The following ANLN variants were observed in gnomAD, a reference collection of about 807,000 sequenced individuals.
ANLN encodes the protein anillin.
In ANLN, 59 loss-of-function variants were observed where a neutral mutation model predicts 135.1. The ratio of observed to expected loss-of-function variants is 0.44; its 90% confidence interval spans 0.35 to 0.54. ANLN has a LOEUF of 0.54. ANLN is among the 20% of genes least tolerant of loss of function. The pLI is 0.00. For missense variants in ANLN, 1,182 were observed against 1,340.0 expected (o/e 0.88, Z 1.84); for synonymous variants, 406 against 456.4 (o/e 0.89, Z 1.41).
Position 36,406,282 on chromosome 7 carries a change from G to A in ANLN, c.589G>A (p.Gly197Ser). Reference sequence around the variant, plus strand: ...TTCAAATGCCTCGGCAACTCCAGTTGGCAGAAGGGGCCGTCTGGCCAATCT... The same window carrying A: ...TTCAAATGCCTCGGCAACTCCAGTTAGCAGAAGGGGCCGTCTGGCCAATCT... ...LLSNASATPVGRRGRLANLAA... is the reference protein window; with the variant it reads ...LLSNASATPVSRRGRLANLAA... The change falls in exon 4 of 24, where the codon GGC (glycine) becomes AGC (serine). Residue 197 changes from glycine (G) to serine (S), a missense_variant. Gly to Ser is a moderately conservative substitution (Grantham distance 56). Around this residue, in one of 3 missense-constraint regions of ANLN, gnomAD observed 1,022 missense variants for 1,134.0 expected, o/e 0.90. Transcript: ENST00000265748. 2 of 1,614,182 alleles carry A rather than the reference G, an allele frequency of 1.2e-6. No individual in the cohort carries two copies. Among genetic ancestry groups the A allele is most frequent in the Non-Finnish European group, 1.7e-6 (2 of 1,180,002 alleles).
At position 36,452,697 on chromosome 7, in the gene ANLN, T is replaced by G. The variant is rs1364280339; in HGVS notation, c.*97T>G. ...TACTGATTGCATTTTATGCTTTAAGTACGAAAGGGTTTGTGCCAATATTCA... is the reference window on the plus strand; with the variant it reads ...TACTGATTGCATTTTATGCTTTAAGGACGAAAGGGTTTGTGCCAATATTCA... On this transcript the variant is annotated 3_prime_UTR_variant, in exon 24 of 24. Transcript: ENST00000265748. The G allele has an allele frequency of 2.8e-5, 40 of 1,446,172 alleles. No individual in the cohort carries two copies. The highest frequency in any genetic ancestry group is 5.6e-5 in the African/African-American group (4 of 70,872). The allele number at this position is 1,446,172 out of a possible 1,614,324, so 89.6% of individuals were successfully genotyped here.
chr7:36,406,016 A>G (rs939672846), intron 3 of ANLN, among the ~76,000 whole-genome samples, 165 bp from the exon 4 acceptor site: 1 of 152,244 alleles, frequency 6.6e-6, no homozygotes, highest in Non-Finnish European at 1.5e-5. Context: ...TTAAAAAGAT[A>G]TTGTCAAATT....
chr7:36,417,124 A>G lies in ANLN; in HGVS notation c.1567A>G (p.Thr523Ala), dbSNP rs936512648. Residue 523 changes from threonine (T) to alanine (A), a missense_variant, in exon 9 of 24, where the codon ACA becomes GCA. Coordinates refer to ENST00000265748, the MANE Select transcript of ANLN (RefSeq NM_018685.5). The part of the protein sequence containing the change: ...EMTKSSPLKI[T>A]LFLEEDKSLK... ...GACGAAATCTAGCCCTTTGAAAATA[A>G]CATTGTTTTTAGAAGAGGACAAATC... 1.2e-6 allele frequency: 2 copies of G among 1,609,862 alleles called. No individual in the cohort carries two copies. Among genetic ancestry groups the G allele is most frequent in the African/African-American group, 1.3e-5 (1 of 74,770 alleles).
intron 8 of ANLN, 113 bp downstream of exon 8, chr7:36,415,997 G>A: frequency 2.1e-6 from 2 of 945,602 alleles, no homozygotes; most frequent in Non-Finnish European, 3.1e-6. Context: ...GTTTTTTGGG[G>A]GGAATCTTTA....
intron 22 of ANLN, 140 bp from the exon 23 acceptor site, chr7:36,449,525 T>A: frequency 1.6e-6 from 1 of 630,084 alleles, no homozygotes; most frequent in South Asian, 2.7e-5. Context: ...AATATGTTTC[T>A]CTAAGCCCAG....
At chr7:36,431,597 G>GTATA (rs1281791693) in intron 20 of ANLN, among the ~76,000 whole-genome samples, 17 of 27,438 alleles carry the variant, frequency 6.2e-4, no homozygotes, top group Non-Finnish European at 9.1e-4. Context: ...GTGTGTGTGT[G>GTATA]TATATATATA....
In ANLN at chr7:36,389,967, T is replaced by A; in HGVS notation, c.-60T>A. The A allele has an allele frequency of 6.2e-7, 1 of 1,614,060 alleles. No individual in the cohort carries two copies. Among genetic ancestry groups the A allele is most frequent in the East Asian group, 2.2e-5 (1 of 44,872 alleles). On this transcript the variant is annotated 5_prime_UTR_variant, in exon 1 of 24. Coordinates refer to ENST00000265748, the MANE Select transcript of ANLN (RefSeq NM_018685.5). ...GGAGACACACTGAGCTGAGACTCACTTTTCTCTTCCTGAATTTGAACCACC... is the reference window on the plus strand; with the variant it reads ...GGAGACACACTGAGCTGAGACTCACATTTCTCTTCCTGAATTTGAACCACC...
At chr7:36,431,561 T>TTGTGTGTGTGTGTGTGTG (rs1186662720) in intron 20 of ANLN, among the ~76,000 whole-genome samples, 1 of 76,040 alleles carries the variant, frequency 1.3e-5, no homozygotes, top group Non-Finnish European at 2.5e-5. Flanking sequence ...ATGTGTGTGT[T>TTGTGTGTGTGTGTGTGTG]TGTGTGTGTG....
rs35765596 is a variant in ANLN, at chr7:36,396,387, C to G, written c.140C>G (p.Ala47Gly). 71 of 1,596,190 alleles carry G rather than the reference C, an allele frequency of 4.4e-5. No individual in the cohort carries two copies. The African/African-American group carries it at 9.0e-4, about 20-fold the overall frequency. ...CGAGCTAGACAGCCACTTTCAGAAGCAAGTAACCAGCAGCCCCTCTCTGGT... is the reference window on the plus strand; with the variant it reads ...CGAGCTAGACAGCCACTTTCAGAAGGAAGTAACCAGCAGCCCCTCTCTGGT... The part of the protein sequence containing the change: ...AKRARQPLSE[A>G]SNQQPLSGGE... Residue 47 changes from alanine to glycine, a missense_variant, in exon 2 of 24, where the codon GCA becomes GGA. Ala to Gly is a moderately conservative substitution (Grantham distance 60, BLOSUM62 0). Transcript: ENST00000265748.
At chr7:36,393,628 A>G (rs2116490165) in intron 1 of ANLN, among the ~76,000 whole-genome samples, 1 of 152,292 alleles carries the variant, frequency 6.6e-6, no homozygotes, top group Middle Eastern at 3.4e-3. Context: ...CCTATATGTC[A>G]AAAGGTGAGG....
chr7:36,424,841 T>C (rs1788016547), intron 17 of ANLN, 99 bp downstream of exon 17: 4 of 1,257,138 alleles, frequency 3.2e-6, no homozygotes, highest in African/African-American at 3.0e-5. Flanking sequence ...GATTAGGAAG[T>C]TTTTGGATCA....
At position 36,432,277 on chromosome 7, in the gene ANLN, C is replaced by G. The variant is rs78337531; in HGVS notation, c.2883+5249C>G. On this transcript the variant is annotated intron_variant, in intron 20 of 23. Coordinates refer to ENST00000265748, the MANE Select transcript of ANLN (RefSeq NM_018685.5). ...ACTTGTTCAGGCAGATATCCTTTTT[C>G]TTCACTGATTTTCTTAATGGTGTCT... Among the ~76,000 whole-genome samples the G allele has an allele frequency of 3.5e-3, 532 of 152,250 alleles. 5 individuals carry two copies. Among genetic ancestry groups the G allele is most frequent in the African/African-American group, 0.012 (515 of 41,544 alleles).
intron 20 of ANLN, among the ~76,000 whole-genome samples, chr7:36,438,611 A>T (rs1788642815): frequency 6.6e-6 from 1 of 152,082 alleles, no homozygotes; most frequent in African/African-American, 2.4e-5. Context: ...GGTTCGAGTG[A>T]TCCTCACTCC....
At chr7:36,446,251 T>C (rs78241966) in intron 22 of ANLN, among the ~76,000 whole-genome samples, 12,786 of 152,290 alleles carry the variant, frequency 0.084, 680 homozygotes, top group East Asian at 0.14. Context: ...ATTTCTTTTA[T>C]ACCTCTTTCT....
chr7:36,449,900 C>T (rs1789175043), intron 23 of ANLN, 63 bp downstream of exon 23: 2 of 1,492,726 alleles, frequency 1.3e-6, no homozygotes, highest in Non-Finnish European at 1.8e-6. Context: ...ATGTACTTAC[C>T]ACTATGAGAA....
At chr7:36,434,798 G>A (rs1030003810) in intron 20 of ANLN, among the ~76,000 whole-genome samples, 5 of 152,256 alleles carry the variant, frequency 3.3e-5, no homozygotes, top group Middle Eastern at 3.4e-3. Context: ...CCTGGGAGGC[G>A]GAGGTTGCAG....
Position 36,392,516 on chromosome 7 carries a change from T to TG in ANLN, c.18+2472_18+2473insG, listed in dbSNP as rs1411603190. ...TCTTGAATATGTTATTGCAGTGGTT[T>TG]TTTTTTTTTTTTAATGCCTACACTG... On this transcript the variant is annotated intron_variant, in intron 1 of 23. Transcript: ENST00000265748. Among the ~76,000 whole-genome samples the TG allele has an allele frequency of 2.2e-3, 328 of 150,742 alleles. 1 individual carries two copies. Among genetic ancestry groups the TG allele is most frequent in the African/African-American group, 7.4e-3 (304 of 41,010 alleles).
intron 1 of ANLN, among the ~76,000 whole-genome samples, chr7:36,392,643 G>A (rs1278093794): frequency 6.6e-6 from 1 of 151,394 alleles, no homozygotes; most frequent in Admixed American, 6.6e-5. Flanking sequence ...CATTTATTGA[G>A]CTATTGAGTT....
intron 14 of ANLN, 82 bp from the exon 15 acceptor site, chr7:36,423,735 T>C (rs1393401233): frequency 7.7e-7 from 1 of 1,303,346 alleles, no homozygotes; most frequent in Non-Finnish European, 1.0e-6. Flanking sequence ...AATATTCCTT[T>C]ATTTCTTTGG....
Sources: allele counts gnomAD v4.1 joint callset (sites outside exome capture counted in the v4.1 genomes callset), GRCh38; gene constraint gnomAD v4.1.1; regional missense constraint gnomAD v4.1.1; transcripts MANE v1.5; gene names NCBI Gene and HGNC (gene_info 2026-07-23, HGNC 2026-07-21).